The following LEPR variants were observed in gnomAD, a reference collection of about 807,000 sequenced individuals.
LEPR encodes leptin receptor.
In LEPR, 56 loss-of-function variants were observed where a neutral mutation model predicts 114.7. The observed-to-expected ratio is 0.49, with a 90% CI of 0.39 to 0.61. The LOEUF (loss-of-function observed/expected upper bound fraction) is 0.61. Among genes scored for constraint, LEPR ranks in the 20% least tolerant of loss-of-function variants. The pLI, the probability that LEPR is intolerant of heterozygous loss-of-function variation, is 0.00. For synonymous variants in LEPR, 443 were observed against 461.4 expected (o/e 0.96, Z 0.51); for missense variants, 1,202 against 1,352.9 (o/e 0.89, Z 1.75).
At chr1:65,478,869 C>G (rs1647186697) in intron 2 of LEPR, among the ~76,000 whole-genome samples, 4 of 152,134 alleles carry the variant, frequency 2.6e-5, no homozygotes, top group Non-Finnish European at 5.9e-5. Flanking sequence ...CTGTTGAAAA[C>G]CTGGAGTTTG....
Position 65,597,731 on chromosome 1 carries a change from A to G in LEPR, c.850-929A>G, listed in dbSNP as rs368927556. On this transcript the variant is annotated intron_variant, in intron 7 of 19. Transcript: ENST00000349533. Reference sequence around the variant, plus strand: ...TTTACTTTGTGAAACTAAGTTTCATATAATTTAGAAGTAAAAATCAGTCTT... The same window carrying G: ...TTTACTTTGTGAAACTAAGTTTCATGTAATTTAGAAGTAAAAATCAGTCTT... Among the ~76,000 whole-genome samples, 13 of 152,298 alleles carry G rather than the reference A, an allele frequency of 8.5e-5. 1 individual carries two copies. Among genetic ancestry groups the G allele is most frequent in the African/African-American group, 3.1e-4 (13 of 41,576 alleles).
chr1:65,472,440 ACACACG>A (rs1257330502), intron 2 of LEPR, among the ~76,000 whole-genome samples: 1 of 139,834 alleles, frequency 7.2e-6, no homozygotes, highest in Admixed American at 7.0e-5. Flanking sequence ...ACACACACAC[ACACACG>A]TGTGTATATA....
chr1:65,444,722 A>T (rs1486620866), intron 2 of LEPR, among the ~76,000 whole-genome samples: 1 of 152,204 alleles, frequency 6.6e-6, no homozygotes, highest in East Asian at 1.9e-4. Flanking sequence ...GAAAAGTGGC[A>T]CTGAGTTAAA....
intron 5 of LEPR, chr1:65,578,253 T>C (rs1423999176): frequency 4.8e-6 from 1 of 209,728 alleles, no homozygotes; most frequent in East Asian, 1.2e-4. Context: ...TTATGAATAG[T>C]GGATGAGCAC....
chr1:65,479,564 C>T (rs558998676), intron 2 of LEPR, among the ~76,000 whole-genome samples: 1 of 152,106 alleles, frequency 6.6e-6, no homozygotes, highest in African/African-American at 2.4e-5. Context: ...TCTACCTGAC[C>T]AGAGGTAGAG....
chr1:65,459,375 C>T (rs1402958826), intron 2 of LEPR, among the ~76,000 whole-genome samples: 1 of 152,172 alleles, frequency 6.6e-6, no homozygotes, highest in Non-Finnish European at 1.5e-5. Flanking sequence ...TCCTGAAACT[C>T]ACTTGGAAGC....
chr1:65,588,786 G>A (rs185580535), intron 5 of LEPR, among the ~76,000 whole-genome samples: 3 of 152,204 alleles, frequency 2.0e-5, no homozygotes, highest in East Asian at 3.9e-4. Context: ...TTGCTGAATA[G>A]CATTCCACTA....
chr1:65,634,908 C>T, intron 19 of LEPR: 2 of 824,926 alleles, frequency 2.4e-6, no homozygotes, highest in Non-Finnish European at 2.9e-6. Flanking sequence ...GAACAGTTTT[C>T]TCTTCATATA....
intron 2 of LEPR, among the ~76,000 whole-genome samples, chr1:65,490,265 T>TA (rs899208966): frequency 1.6e-4 from 24 of 152,070 alleles, no homozygotes; most frequent in African/African-American, 3.9e-4. Flanking sequence ...AAGAGAACTG[T>TA]AAAAAACAGC....
intron 2 of LEPR, among the ~76,000 whole-genome samples, chr1:65,454,225 A>G (rs2100342060): frequency 6.6e-6 from 1 of 151,996 alleles, no homozygotes; most frequent in East Asian, 1.9e-4. Context: ...ATGGGTCTTG[A>G]CTCCGTATCC....
At chr1:65,554,858 T>C (rs2100736419) in intron 2 of LEPR, among the ~76,000 whole-genome samples, 1 of 152,152 alleles carries the variant, frequency 6.6e-6, no homozygotes, top group Middle Eastern at 3.4e-3. Context: ...CCCGAGGGAA[T>C]CTCCTGGTCT....
intron 2 of LEPR, among the ~76,000 whole-genome samples, chr1:65,463,461 C>T (rs1646971738): frequency 6.6e-6 from 1 of 152,134 alleles, no homozygotes; most frequent in Non-Finnish European, 1.5e-5. Flanking sequence ...TAGCATGATG[C>T]CTCCAGCTTT....
chr1:65,439,744 G>C (rs536922790), intron 2 of LEPR, among the ~76,000 whole-genome samples: 1 of 150,860 alleles, frequency 6.6e-6, no homozygotes, highest in Non-Finnish European at 1.5e-5. Context: ...CTTGAACCCA[G>C]GAATCACTTG....
At chr1:65,621,313 C>A in intron 17 of LEPR, 40 bp from the exon 18 acceptor site, 1 of 1,550,696 alleles carries the variant, frequency 6.4e-7, no homozygotes, top group Non-Finnish European at 8.9e-7. Flanking sequence ...TTAATATTTC[C>A]TCAAGTTTCT....
At chr1:65,595,272 C>T (rs1384641204) in intron 6 of LEPR, among the ~76,000 whole-genome samples, 2 of 140,000 alleles carry the variant, frequency 1.4e-5, no homozygotes, top group Non-Finnish European at 3.1e-5. Context: ...GAATTCTTTA[C>T]GTTGTTCCAA....
At chr1:65,424,089 C>T (rs1646309239) in intron 1 of LEPR, among the ~76,000 whole-genome samples, 1 of 152,184 alleles carries the variant, frequency 6.6e-6, no homozygotes, top group Non-Finnish European at 1.5e-5. Context: ...TAAGATTTGA[C>T]TCATGTTTGT....
intron 2 of LEPR, among the ~76,000 whole-genome samples, chr1:65,543,693 C>T (rs1317514172): frequency 2.6e-5 from 4 of 151,968 alleles, no homozygotes; most frequent in Admixed American, 1.3e-4. Flanking sequence ...ATATGGCTAG[C>T]CAGCTTTCCC....
chr1:65,507,459 G>GTGTATGTA (rs375120311), intron 2 of LEPR, among the ~76,000 whole-genome samples: 1 of 139,522 alleles, frequency 7.2e-6, no homozygotes, highest in Non-Finnish European at 1.5e-5. Flanking sequence ...GTGTGTGTGT[G>GTGTATGTA]TATATATATA....
Position 65,601,627 on chromosome 1 carries a change from G to A in LEPR, c.1230G>A (p.Val410=), listed in dbSNP as rs201385769. The stretch of plus-strand genomic sequence containing the variant: ...GAGGAAAGTTTACCTATGATGCAGT[G>A]TACTGCTGCAATGAACATGAATGCC... The part of the protein sequence containing the change: ...KPRGKFTYDA[V]YCCNEHECHH... The change falls in exon 9 of 20, where the codon GTG becomes GTA. Residue 410 remains valine (V), a synonymous_variant. Transcript: ENST00000349533. 1 of 1,613,650 alleles carries A rather than the reference G, an allele frequency of 6.2e-7. No homozygotes were observed. Among genetic ancestry groups the A allele is most frequent in the Non-Finnish European group, 8.5e-7 (1 of 1,179,712 alleles).
Sources: allele counts gnomAD v4.1 joint callset (sites outside exome capture counted in the v4.1 genomes callset), GRCh38; gene constraint gnomAD v4.1.1; transcripts MANE v1.5; gene names NCBI Gene and HGNC (gene_info 2026-07-23, HGNC 2026-07-21).